Variants in MYT1 observed in about 807,000 individuals in gnomAD.
MYT1 encodes myelin transcription factor 1, also known as myelin transcription factor I.
MYT1 carries 23 observed loss-of-function variants against 123.0 expected under a neutral mutation model. The observed-to-expected ratio is 0.19, with a 90% CI of 0.13 to 0.26. The LOEUF is 0.26. MYT1 is among the 10% of genes least tolerant of loss of function. The probability of loss-of-function intolerance (pLI) is 1.00; values close to 1 mark genes in which losing one functional copy is unlikely to be tolerated. For synonymous variants in MYT1, 518 were observed against 575.3 expected (o/e 0.90, Z 1.43); for missense variants, 1,125 against 1,472.5 (o/e 0.76, Z 3.86).
chr20:64,202,000 C>CGTGTGTCGGGAACCCCT, intron 4 of MYT1, among the ~76,000 whole-genome samples: 1 of 115,010 alleles, frequency 8.7e-6, no homozygotes, highest in South Asian at 3.0e-4. Context: ...CGGGAACCCC[C>CGTGTGTCGGGAACCCCT]GCGTGTCGGG....
At chr20:64,233,054 C>T (rs1984369230) in intron 19 of MYT1, among the ~76,000 whole-genome samples, 1 of 151,270 alleles carries the variant, frequency 6.6e-6, no homozygotes. Context: ...TGTGTCTGGG[C>T]CTAGGGCCAA....
chr20:64,212,030 C>T lies in MYT1; in HGVS notation c.1427-18C>T, dbSNP rs1237086925. On this transcript the variant is annotated intron_variant, in intron 8 of 22. Coordinates refer to ENST00000328439, the MANE Select transcript of MYT1 (RefSeq NM_004535.3). This position sits in a 1 kb window ranked among gnomAD's most constrained non-coding sequence, Gnocchi z 6.8. Reference sequence around the variant, plus strand: ...TCTCTGACAGCCTCGGCTCCCTCCACCCCCTGTTCTCTTACAGTCTTAGCC... The same window carrying T: ...TCTCTGACAGCCTCGGCTCCCTCCATCCCCTGTTCTCTTACAGTCTTAGCC... 3 of 1,607,270 alleles carry T rather than the reference C, an allele frequency of 1.9e-6. No homozygotes were observed. Among genetic ancestry groups the T allele is most frequent in the Non-Finnish European group, 2.6e-6 (3 of 1,174,306 alleles).
chr20:64,219,636 C>T (rs1284358582), intron 12 of MYT1, 77 bp from the exon 13 acceptor site: 15 of 1,288,774 alleles, frequency 1.2e-5, no homozygotes, highest in Middle Eastern at 1.9e-4. Flanking sequence ...GGACTCTGTA[C>T]GTTTGATTCA....
intron 16 of MYT1, 116 bp from the exon 17 acceptor site, chr20:64,227,299 T>G: frequency 2.4e-6 from 2 of 839,464 alleles, no homozygotes; most frequent in South Asian, 1.7e-5. Flanking sequence ...CAAGGGAATG[T>G]GGGTGGGCGC....
intron 1 of MYT1, among the ~76,000 whole-genome samples, chr20:64,165,347 C>G (rs1310756987): frequency 2.0e-5 from 3 of 152,114 alleles, no homozygotes; most frequent in Admixed American, 1.3e-4. Context: ...CCTCTCAGCC[C>G]CTTTTTTCGC....
Position 64,166,173 on chromosome 20 carries a change from G to C in MYT1, c.-99+1434G>C, listed in dbSNP as rs892651783. On this transcript the variant is annotated intron_variant, in intron 1 of 22. Coordinates refer to ENST00000328439, the MANE Select transcript of MYT1 (RefSeq NM_004535.3). The surrounding 1 kb of genome is among the most constrained non-coding windows in gnomAD (Gnocchi z 4.9). ...ATTAACGGTAAACAAAAGAGTAAGA[G>C]AGCAGGGATTGGAGTCCTGTGGTAC... Among the ~76,000 whole-genome samples, 5 of 152,242 alleles carry C rather than the reference G, an allele frequency of 3.3e-5. No individual in the cohort carries two copies. Among genetic ancestry groups the C allele is most frequent in the Non-Finnish European group, 7.3e-5 (5 of 68,044 alleles).
chr20:64,223,230 T>TCTC, intron 15 of MYT1, 57 bp downstream of exon 15: 2 of 1,613,092 alleles, frequency 1.2e-6, no homozygotes, highest in East Asian at 2.2e-5. Flanking sequence ...GTCTTCCTCC[T>TCTC]CTCCTCCTCC....
Position 64,205,026 on chromosome 20 carries a change from T to A in MYT1, c.87-9T>A. 1 of 1,613,842 alleles carries A rather than the reference T, an allele frequency of 6.2e-7. No individual in the cohort carries two copies. The highest frequency in any genetic ancestry group is 1.1e-5 in the South Asian group (1 of 91,058). ...CCTGATGTGGCCTTGCCTTTTTATT[T>A]CCCCTCAGCTGCCCCACCCCAGGAT... On this transcript the variant is annotated splice_polypyrimidine_tract_variant and intron_variant, in intron 4 of 22. Coordinates refer to ENST00000328439, the MANE Select transcript of MYT1 (RefSeq NM_004535.3).
chr20:64,232,550 G>C lies in MYT1; in HGVS notation c.2897+165G>C, dbSNP rs1984353493. Among the ~76,000 whole-genome samples the C allele has an allele frequency of 6.6e-6, 1 of 152,120 alleles. No homozygotes were observed. Among genetic ancestry groups the C allele is most frequent in the African/African-American group, 2.4e-5 (1 of 41,414 alleles). ...GGGTAGCGGATGGGGGAGGCTAGCG[G>C]GTCTGTTGGTGCCAGGTGATGCTGT... On this transcript the variant is annotated intron_variant, in intron 19 of 22. Transcript: ENST00000328439. This position sits in a 1 kb window ranked among gnomAD's most constrained non-coding sequence, Gnocchi z 6.9.
chr20:64,179,052 G>A (rs1440075470), intron 1 of MYT1, among the ~76,000 whole-genome samples: 4 of 145,828 alleles, frequency 2.7e-5, no homozygotes, highest in Admixed American at 1.4e-4. Context: ...GCACTGAGCC[G>A]TTATTCAGTG....
chr20:64,227,999 T>C (rs772015627), intron 18 of MYT1, 28 bp downstream of exon 18: 48 of 1,602,282 alleles, frequency 3.0e-5, no homozygotes, highest in Non-Finnish European at 3.7e-5. Flanking sequence ...GGCTCTTTCA[T>C]TGCATTGCGG....
chr20:64,230,513 C>G (rs1440616592), intron 18 of MYT1, among the ~76,000 whole-genome samples: 1 of 152,212 alleles, frequency 6.6e-6, no homozygotes, highest in East Asian at 1.9e-4. Context: ...GACTCCATCT[C>G]AAAAATACTA....
At chr20:64,222,618 G>C (rs1302332852) in intron 14 of MYT1, among the ~76,000 whole-genome samples, 1 of 152,224 alleles carries the variant, frequency 6.6e-6, no homozygotes, top group African/African-American at 2.4e-5. Flanking sequence ...CTGTCCTAGG[G>C]GACTGTGAGA....
intron 4 of MYT1, among the ~76,000 whole-genome samples, chr20:64,204,100 G>A (rs181730868): frequency 3.3e-5 from 5 of 152,284 alleles, no homozygotes; most frequent in Middle Eastern, 3.4e-3. Context: ...GGATGCATCC[G>A]ACAGCCCACA....
chr20:64,211,951 G>C (rs76419146), intron 8 of MYT1, 97 bp from the exon 9 acceptor site: 67,206 of 1,003,792 alleles, frequency 0.067, 2,815 homozygotes, highest in African/African-American at 0.15. Context: ...CTTTGGACAA[G>C]GCTCCTGCAC....
chr20:64,199,955 G>A (rs1253933886), intron 4 of MYT1, 33 bp downstream of exon 4: 14 of 1,611,152 alleles, frequency 8.7e-6, no homozygotes, highest in East Asian at 6.7e-5. Context: ...ACCAAGCATC[G>A]TCTATGTGCC....
At position 64,215,503 on chromosome 20, in the gene MYT1, T is replaced by C. The variant is rs372410096; in HGVS notation, c.1632-1564T>C. ...GGGCTTTGCAAAGCTTCGTTGGCAT[T>C]GTGGACAATAAGTGTACAGATTCTG... On this transcript the variant is annotated intron_variant, in intron 10 of 22. Coordinates refer to ENST00000328439, the MANE Select transcript of MYT1 (RefSeq NM_004535.3). Among the ~76,000 whole-genome samples, 335 of 152,282 alleles carry C rather than the reference T, an allele frequency of 2.2e-3. 19 individuals are homozygous for C. In the South Asian group the frequency reaches 0.067, roughly 30 times the overall value.
intron 14 of MYT1, 87 bp from the exon 15 acceptor site, chr20:64,223,024 G>C: frequency 6.7e-7 from 1 of 1,486,938 alleles, no homozygotes. Flanking sequence ...GCCAGGAGTG[G>C]GCACCAGTCT....
At chr20:64,207,572 C>T (rs370606910) in intron 6 of MYT1, 22 bp from the exon 7 acceptor site, 25 of 1,602,630 alleles carry the variant, frequency 1.6e-5, no homozygotes, top group East Asian at 4.5e-5. Flanking sequence ...CTGGCCCCCA[C>T]GTTGATTTTG....
Sources: gnomAD v4.1 joint callset for allele counts (sites outside exome capture counted in the v4.1 genomes callset) on GRCh38, gnomAD v4.1.1 for gene constraint, Gnocchi (gnomAD v3.1) non-coding constraint, MANE v1.5 for transcripts, NCBI Gene and HGNC (gene_info 2026-07-23, HGNC 2026-07-21) for gene names.